COL5A1: variants seen among roughly 807,000 people sequenced by gnomAD.
COL5A1 encodes collagen type V alpha 1 chain.
A neutral mutation model predicts 263.7 loss-of-function variants in COL5A1; 16 were observed. The ratio of observed to expected loss-of-function variants is 0.06; its 90% CI spans 0.04 to 0.09. The LOEUF (loss-of-function observed/expected upper bound fraction) is 0.09, where lower values mean the gene tolerates loss of function less well. COL5A1 is among the 10% of genes least tolerant of loss of function. The pLI, the probability that COL5A1 is intolerant of heterozygous loss-of-function variation, is 1.00. For missense variants in COL5A1, 2,036 were observed against 2,540.5 expected (o/e 0.80, Z 4.27); for synonymous variants, 1,012 against 1,004.5 (o/e 1.01, Z -0.14).
At chr9:134,659,826 T>C (rs1832146996) in intron 1 of COL5A1, among the ~76,000 whole-genome samples, 1 of 152,226 alleles carries the variant, frequency 6.6e-6, no homozygotes, top group Non-Finnish European at 1.5e-5. Context: ...CAGCTGTGTG[T>C]GCACTGTTTG....
intron 33 of COL5A1, 54 bp from the exon 34 acceptor site, chr9:134,795,208 C>T: frequency 1.2e-6 from 2 of 1,612,116 alleles, no homozygotes; most frequent in Non-Finnish European, 1.7e-6. Flanking sequence ...TGGGGGAAGG[C>T]AGTGTCTGTG....
rs532681095 is a variant in COL5A1, at chr9:134,821,720, A to G, written c.4555-377A>G. ...TTCTAGAGGGGAGACTAACACCATG[A>G]GCAGGAAACAGCAAGAGGGGCCCAA... On this transcript the variant is annotated intron_variant, in intron 58 of 65. Transcript: ENST00000371817. The surrounding 1 kb of genome is among the most constrained non-coding windows in gnomAD (Gnocchi z 4.2). Among the ~76,000 whole-genome samples the G allele has an allele frequency of 2.4e-4, 36 of 152,354 alleles. No homozygotes were observed. The highest frequency in any genetic ancestry group is 7.9e-4 in the African/African-American group (33 of 41,592).
intron 1 of COL5A1, among the ~76,000 whole-genome samples, chr9:134,688,462 C>A (rs560419614): frequency 1.9e-3 from 289 of 152,336 alleles, no homozygotes; most frequent in African/African-American, 6.4e-3. Flanking sequence ...CAGGGCTGCG[C>A]GGTGCAGCCT....
intron 1 of COL5A1, among the ~76,000 whole-genome samples, chr9:134,655,604 C>T (rs547431436): frequency 1.1e-3 from 160 of 152,252 alleles, no homozygotes; most frequent in Non-Finnish European, 1.8e-3. Flanking sequence ...ATGGTCATTA[C>T]TATTACTGTG....
intron 18 of COL5A1, among the ~76,000 whole-genome samples, chr9:134,759,347 CA>C (rs1285406885): frequency 2.8e-5 from 4 of 143,290 alleles, no homozygotes; most frequent in African/African-American, 1.1e-4. Context: ...CACACACACA[CA>C]CCCACATTCA....
chr9:134,760,996 C>CAT (rs1468736579), intron 18 of COL5A1, among the ~76,000 whole-genome samples: 82 of 138,650 alleles, frequency 5.9e-4, no homozygotes, highest in African/African-American at 2.3e-3. Context: ...TACACACATA[C>CAT]ACGTGCACAC....
At chr9:134,814,255 G>A (rs1319110189) in intron 49 of COL5A1, among the ~76,000 whole-genome samples, 3 of 152,202 alleles carry the variant, frequency 2.0e-5, no homozygotes, top group Non-Finnish European at 4.4e-5. Context: ...TGTGCCCAGT[G>A]GCCTGCAGTA....
chr9:134,822,724 C>CT (rs546175702), intron 59 of COL5A1, among the ~76,000 whole-genome samples: 6 of 150,664 alleles, frequency 4.0e-5, no homozygotes, highest in Non-Finnish European at 7.4e-5. Context: ...CGCTGCGCCC[C>CT]CCCCGCGGCT....
At chr9:134,697,536 T>C (rs1833521885) in intron 2 of COL5A1, among the ~76,000 whole-genome samples, 1 of 152,032 alleles carries the variant, frequency 6.6e-6, no homozygotes, top group Non-Finnish European at 1.5e-5. Flanking sequence ...AGGTGGCCCT[T>C]TGCAATGAGA....
chr9:134,762,976 G>C (rs1472124678), intron 19 of COL5A1, among the ~76,000 whole-genome samples: 2 of 152,190 alleles, frequency 1.3e-5, no homozygotes, highest in Non-Finnish European at 2.9e-5. Flanking sequence ...CTGTGTGCGT[G>C]TGTATGTGGA....
chr9:134,735,926 C>G (rs1397173707), intron 9 of COL5A1, among the ~76,000 whole-genome samples: 1 of 152,268 alleles, frequency 6.6e-6, no homozygotes, highest in Non-Finnish European at 1.5e-5. Flanking sequence ...CCGGGAGTCC[C>G]CTCATCAGCC....
At chr9:134,783,982 C>T (rs148916686) in intron 29 of COL5A1, among the ~76,000 whole-genome samples, 36 of 152,342 alleles carry the variant, frequency 2.4e-4, no homozygotes, top group African/African-American at 8.4e-4. Context: ...ACACACGTTC[C>T]CGTGCCAGGG....
In COL5A1 at chr9:134,793,684, G is replaced by A. The variant is rs568486104; in HGVS notation, c.2701-1398G>A. Among the ~76,000 whole-genome samples, 469 of 149,018 alleles carry A rather than the reference G, an allele frequency of 3.1e-3. 3 individuals carry two copies. The highest frequency in any genetic ancestry group is 0.012 in the African/African-American group (443 of 38,520). ...TGGGAATGAGTAAATCTGGCAGCCCGGGCTCATTCGCACCTAAATGCCAGG... is the reference window on the plus strand; with the variant it reads ...TGGGAATGAGTAAATCTGGCAGCCCAGGCTCATTCGCACCTAAATGCCAGG... On this transcript the variant is annotated intron_variant, in intron 32 of 65. Transcript: ENST00000371817.
At chr9:134,804,937 C>G (rs1027314238) in intron 39 of COL5A1, 38 bp from the exon 40 acceptor site, 2 of 1,577,872 alleles carry the variant, frequency 1.3e-6, no homozygotes, top group African/African-American at 2.7e-5. Context: ...GTCTGCGTCA[C>G]TGGCTCCAGG....
chr9:134,831,487 C>T (rs1035466685), intron 64 of COL5A1, among the ~76,000 whole-genome samples: 1 of 152,128 alleles, frequency 6.6e-6, no homozygotes, highest in East Asian at 1.9e-4. Context: ...CCTGAAACAC[C>T]CGGGGACAGG....
chr9:134,699,983 T>C lies in COL5A1; in HGVS notation c.352T>C (p.Ser118Pro). 1 of 1,613,882 alleles carries C rather than the reference T, an allele frequency of 6.2e-7. No homozygotes were observed. Among genetic ancestry groups the C allele is most frequent in the Non-Finnish European group, 8.5e-7 (1 of 1,180,024 alleles). Residue 118 changes from serine (S) to proline (P), a missense_variant, in exon 3 of 66, where the codon TCC becomes CCC. Transcript: ENST00000371817. ...AKKGSQAFLV[S>P]IYNEQGIQQI... Reference sequence around the variant, plus strand: ...GAAAGGCAGCCAGGCCTTCCTGGTCTCCATCTACAACGAGCAGGGTATCCA... The same window carrying C: ...GAAAGGCAGCCAGGCCTTCCTGGTCCCCATCTACAACGAGCAGGGTATCCA...
chr9:134,816,647 A>AC (rs1431969276), intron 52 of COL5A1, among the ~76,000 whole-genome samples: 1 of 151,996 alleles, frequency 6.6e-6, no homozygotes, highest in African/African-American at 2.4e-5. Context: ...CCTGACAGAC[A>AC]CCCCCAGTCC....
Position 134,755,081 on chromosome 9 carries a change from C to T in COL5A1, c.1827+755C>T, listed in dbSNP as rs1359896498. The stretch of plus-strand genomic sequence containing the variant: ...TTCTGGATGCTCCTGACTTGGGGAG[C>T]AAGCTGTGGTTAGTGGGTAGAAATG... On this transcript the variant is annotated intron_variant, in intron 16 of 65. Coordinates refer to ENST00000371817, the MANE Select transcript of COL5A1 (RefSeq NM_000093.5). The surrounding 1 kb of genome is among the most constrained non-coding windows in gnomAD (Gnocchi z 4.1). 6.6e-6 allele frequency among the ~76,000 whole-genome samples: 1 copy of T among 152,088 alleles called. No homozygotes were observed. Among genetic ancestry groups the T allele is most frequent in the Non-Finnish European group, 1.5e-5 (1 of 68,022 alleles).
chr9:134,656,354 G>A (rs912856887), intron 1 of COL5A1, among the ~76,000 whole-genome samples: 1 of 152,234 alleles, frequency 6.6e-6, no homozygotes, highest in African/African-American at 2.4e-5. Context: ...TTTGCAAAGA[G>A]AGCTCAGGGG....
Sources: allele counts gnomAD v4.1 joint callset (sites outside exome capture counted in the v4.1 genomes callset), GRCh38; gene constraint gnomAD v4.1.1; non-coding constraint Gnocchi (gnomAD v3.1); transcripts MANE v1.5; gene names NCBI Gene and HGNC (gene_info 2026-07-23, HGNC 2026-07-21).